TMEM117: variants seen among roughly 807,000 people sequenced by gnomAD.
The protein encoded by TMEM117 is transmembrane protein 117.
A neutral mutation model predicts 52.4 loss-of-function variants in TMEM117; 27 were observed. That is an observed-to-expected ratio of 0.51 (90% CI 0.38 to 0.71). The LOEUF is 0.71. Among genes scored for constraint, TMEM117 ranks in the 30% least tolerant of loss-of-function variants. The probability of loss-of-function intolerance (pLI) is 0.00; values close to 1 mark genes in which losing one functional copy is unlikely to be tolerated. For missense variants in TMEM117, 556 were observed against 630.5 expected, an observed-to-expected ratio of 0.88 and a Z score of 1.26; for synonymous variants, 215 against 206.3, an observed-to-expected ratio of 1.04 and a Z score of -0.36.
chr12:44,297,200 C>G (rs1182894642), intron 5 of TMEM117, among the ~76,000 whole-genome samples: 2 of 152,084 alleles, frequency 1.3e-5, no homozygotes, highest in African/African-American at 4.8e-5. Flanking sequence ...ACTTTCACAC[C>G]TAAAAATGTG....
intron 7 of TMEM117, among the ~76,000 whole-genome samples, chr12:44,384,993 G>A (rs1337039575): frequency 6.6e-6 from 1 of 152,146 alleles, no homozygotes; most frequent in Non-Finnish European, 1.5e-5. Flanking sequence ...CCAATAAGTA[G>A]ACAGATTTGG....
At chr12:44,275,295 A>G (rs943412907) in intron 5 of TMEM117, among the ~76,000 whole-genome samples, 12 of 152,130 alleles carry the variant, frequency 7.9e-5, no homozygotes, top group Non-Finnish European at 1.2e-4. Flanking sequence ...ACGACAGACA[A>G]TAACAAATAA....
chr12:44,302,996 A>G (rs1950859876), intron 6 of TMEM117, among the ~76,000 whole-genome samples: 2 of 152,068 alleles, frequency 1.3e-5, no homozygotes, highest in Admixed American at 1.3e-4. Flanking sequence ...AGTCGATCCT[A>G]GGTTCTCTAT....
chr12:44,033,450 C>T (rs1946663930), intron 3 of TMEM117, among the ~76,000 whole-genome samples: 1 of 152,140 alleles, frequency 6.6e-6, no homozygotes, highest in South Asian at 2.1e-4. Flanking sequence ...CAGGTGGGAC[C>T]CCTTTCCTAT....
intron 2 of TMEM117, among the ~76,000 whole-genome samples, chr12:43,904,787 G>A (rs932555075): frequency 6.6e-6 from 1 of 152,190 alleles, no homozygotes; most frequent in Non-Finnish European, 1.5e-5. Flanking sequence ...AAGCAGTTTA[G>A]TCCCTTGTTG....
At chr12:44,132,437 A>T (rs1248782108) in intron 3 of TMEM117, among the ~76,000 whole-genome samples, 2 of 151,948 alleles carry the variant, frequency 1.3e-5, no homozygotes, top group African/African-American at 4.8e-5. Context: ...CTAACAACTC[A>T]TTGTGAAAGA....
rs1159054450 is a variant in TMEM117 at position 44,388,702 on chromosome 12, A to C, written c.*30A>C. On this transcript the variant is annotated 3_prime_UTR_variant, in exon 8 of 8. Transcript: ENST00000266534. The stretch of plus-strand genomic sequence containing the variant: ...GGAGATAGACTTGGAGATAACACAA[A>C]AAGCAACCTTGAGTGTAACTTTAAA... 1 of 1,597,084 alleles carries C rather than the reference A, an allele frequency of 6.3e-7. No homozygotes were observed. Among genetic ancestry groups the C allele is most frequent in the African/African-American group, 1.4e-5 (1 of 74,012 alleles).
At chr12:43,858,714 C>A (rs769834842) in intron 2 of TMEM117, among the ~76,000 whole-genome samples, 6 of 152,304 alleles carry the variant, frequency 3.9e-5, no homozygotes, top group Non-Finnish European at 7.3e-5. Context: ...GAGTAACCAG[C>A]AAATACACAC....
intron 4 of TMEM117, among the ~76,000 whole-genome samples, chr12:44,158,239 T>C (rs1285504750): frequency 2.0e-5 from 3 of 152,186 alleles, no homozygotes; most frequent in African/African-American, 7.2e-5. Flanking sequence ...CAACATTTCA[T>C]TGACTTGTCT....
chr12:43,843,997 A>C lies in TMEM117; in HGVS notation c.-28-627A>C, dbSNP rs140445484. 2.6e-3 allele frequency among the ~76,000 whole-genome samples: 395 copies of C among 152,354 alleles called. 2 individuals are homozygous for C. The highest frequency in any genetic ancestry group is 8.7e-3 in the African/African-American group (362 of 41,580). On this transcript the variant is annotated intron_variant, in intron 1 of 7. Transcript: ENST00000266534. ...GAGAGAATATTGTTTAACTTTTGTTAATATATGCTCATTTTACCTCTATAT... is the reference window on the plus strand; with the variant it reads ...GAGAGAATATTGTTTAACTTTTGTTCATATATGCTCATTTTACCTCTATAT...
At chr12:44,182,867 C>G (rs181355464) in intron 4 of TMEM117, among the ~76,000 whole-genome samples, 10 of 152,098 alleles carry the variant, frequency 6.6e-5, no homozygotes, top group Non-Finnish European at 1.3e-4. Flanking sequence ...TGTAGTTAAA[C>G]AAAAAACGCT....
chr12:43,957,051 G>A (rs1945320002), intron 3 of TMEM117, among the ~76,000 whole-genome samples: 1 of 152,130 alleles, frequency 6.6e-6, no homozygotes, highest in African/African-American at 2.4e-5. Context: ...ACTAATGCAG[G>A]AACAGAAAAC....
chr12:44,154,231 C>T (rs766064962), intron 4 of TMEM117, among the ~76,000 whole-genome samples: 3 of 152,038 alleles, frequency 2.0e-5, no homozygotes, highest in Non-Finnish European at 2.9e-5. Context: ...AAATAAATTT[C>T]TCTGCCATTT....
intron 3 of TMEM117, among the ~76,000 whole-genome samples, chr12:44,058,645 C>T (rs1947093420): frequency 2.0e-5 from 3 of 152,180 alleles, no homozygotes; most frequent in Middle Eastern, 3.4e-3. Context: ...TTCTTCTGTG[C>T]GAAGGAAGTG....
Position 43,844,615 on chromosome 12 carries a change from C to A in TMEM117, c.-28-9C>A. The A allele has an allele frequency of 1.3e-6, 2 of 1,593,872 alleles. No homozygotes were observed. Among genetic ancestry groups the A allele is most frequent in the Non-Finnish European group, 1.7e-6 (2 of 1,171,622 alleles). ...CCTCCTCTAACCCTATCTATCTTTT[C>A]TTATACAGGTAAACTACGAACTGGG... On this transcript the variant is annotated splice_polypyrimidine_tract_variant and intron_variant, in intron 1 of 7. Coordinates refer to ENST00000266534, the MANE Select transcript of TMEM117 (RefSeq NM_032256.3).
Position 44,352,935 on chromosome 12 carries a change from C to G in TMEM117, c.769-23660C>G, listed in dbSNP as rs555651579. On this transcript the variant is annotated intron_variant, in intron 6 of 7. Transcript: ENST00000266534. ...CAACAGTGTTAAAGTGTTCCTATTT[C>G]TCCACATCCTCTCCAGCACCTGTTG... 2.0e-4 allele frequency among the ~76,000 whole-genome samples: 31 copies of G among 151,784 alleles called. No homozygotes were observed. The East Asian group carries it at 3.5e-3, about 17-fold the overall frequency.
chr12:43,868,604 A>T (rs1444565466), intron 2 of TMEM117, among the ~76,000 whole-genome samples: 1 of 151,914 alleles, frequency 6.6e-6, no homozygotes, highest in Non-Finnish European at 1.5e-5. Context: ...ACACTTCAAA[A>T]TGCCTATGGA....
At chr12:44,392,878 A>C (rs1952167752), downstream of TMEM117, among the ~76,000 whole-genome samples, 1 of 152,138 alleles carries the variant, frequency 6.6e-6, no homozygotes, top group Non-Finnish European at 1.5e-5. Context: ...AGTAGGCAAC[A>C]TGAGAAGAGA....
rs538773312 is a variant in TMEM117, at chr12:44,184,964, G to C, written c.511-26326G>C. Among the ~76,000 whole-genome samples, 10 of 152,280 alleles carry C rather than the reference G, an allele frequency of 6.6e-5. No individual in the cohort carries two copies. In the South Asian group the frequency reaches 2.1e-3, roughly 32 times the overall value. The stretch of plus-strand genomic sequence containing the variant: ...GTACGCCTCCCTCTGCCTAGATGGT[G>C]CTTTTCTTATTCCTTAAGGTAAGCC... On this transcript the variant is annotated intron_variant, in intron 4 of 7. Coordinates refer to ENST00000266534, the MANE Select transcript of TMEM117 (RefSeq NM_032256.3).
Sources: gnomAD v4.1 joint callset for allele counts (sites outside exome capture counted in the v4.1 genomes callset) on GRCh38, gnomAD v4.1.1 for gene constraint, MANE v1.5 for transcripts, NCBI Gene and HGNC (gene_info 2026-07-23, HGNC 2026-07-21) for gene names.